Variants in ZCCHC4 observed in about 807,000 individuals in gnomAD.
The protein encoded by ZCCHC4 is rRNA N(6)-adenosine-methyltransferase ZCCHC4.
In ZCCHC4, 54 loss-of-function variants were observed where a neutral mutation model predicts 67.7. The ratio of observed to expected loss-of-function variants is 0.80; its 90% CI spans 0.64 to 1.00. The LOEUF is 1.00. ZCCHC4 is among the 50% of genes least tolerant of loss of function. The probability of loss-of-function intolerance (pLI) is 0.00; values close to 1 mark genes in which losing one functional copy is unlikely to be tolerated. For missense variants in ZCCHC4, 609 were observed against 617.0 expected (o/e 0.99, Z 0.14); for synonymous variants, 198 against 213.5 (o/e 0.93, Z 0.63).
intron 8 of ZCCHC4, among the ~76,000 whole-genome samples, chr4:25,358,241 C>T (rs1274209059): frequency 6.6e-6 from 1 of 152,206 alleles, no homozygotes; most frequent in Non-Finnish European, 1.5e-5. Context: ...GTGTCTTCAT[C>T]TCCATTTTTT....
chr4:25,335,082 A>C (rs1719384130), intron 5 of ZCCHC4, among the ~76,000 whole-genome samples: 1 of 151,984 alleles, frequency 6.6e-6, no homozygotes, highest in Non-Finnish European at 1.5e-5. Flanking sequence ...TGGCCTCCCA[A>C]ATTGTTGGGA....
intron 3 of ZCCHC4, among the ~76,000 whole-genome samples, chr4:25,317,727 G>GAA (rs1718341489): frequency 8.4e-6 from 1 of 119,060 alleles, no homozygotes; most frequent in Non-Finnish European, 1.7e-5. Context: ...AAAAAAAAAA[G>GAA]AAAGAAAAGA....
chr4:25,321,367 C>A (rs1036565217), intron 3 of ZCCHC4, among the ~76,000 whole-genome samples: 1 of 151,794 alleles, frequency 6.6e-6, no homozygotes, highest in Non-Finnish European at 1.5e-5. Flanking sequence ...GTCTTCCTGG[C>A]TAATTTTGTT....
chr4:25,328,419 T>C (rs1244831127), intron 3 of ZCCHC4, among the ~76,000 whole-genome samples: 1 of 152,112 alleles, frequency 6.6e-6, no homozygotes, highest in Non-Finnish European at 1.5e-5. Context: ...TTTGTATTTT[T>C]CGTAGAGATG....
At chr4:25,317,175 A>T (rs1399935076) in intron 3 of ZCCHC4, among the ~76,000 whole-genome samples, 1 of 152,132 alleles carries the variant, frequency 6.6e-6, no homozygotes, top group African/African-American at 2.4e-5. Flanking sequence ...CCTTCATTTT[A>T]CCTGGGCTGC....
At chr4:25,331,228 T>TA (rs1719165840) in intron 3 of ZCCHC4, among the ~76,000 whole-genome samples, 1 of 152,226 alleles carries the variant, frequency 6.6e-6, no homozygotes, top group South Asian at 2.1e-4. Context: ...ATATATTTTG[T>TA]CTTTTTAAAA....
chr4:25,317,160 C>A (rs2055886), intron 3 of ZCCHC4, among the ~76,000 whole-genome samples: 66,749 of 151,926 alleles, frequency 0.44, 16,504 homozygotes, highest in Non-Finnish European at 0.56. Flanking sequence ...ACTTTTATGG[C>A]AGCTCCTTCA....
At position 25,369,462 on chromosome 4, in the gene ZCCHC4, C is replaced by T; in HGVS notation, c.*298C>T. 3.3e-6 allele frequency: 1 copy of T among 298,664 alleles called. No homozygotes were observed. Among genetic ancestry groups the T allele is most frequent in the Non-Finnish European group, 6.2e-6 (1 of 161,248 alleles). The allele number at this position is 298,664 out of a possible 1,614,324, so 18.5% of individuals were successfully genotyped here. On this transcript the variant is annotated 3_prime_UTR_variant, in exon 13 of 13. Transcript: ENST00000302874. Reference sequence around the variant, plus strand: ...GTTTTCATTTTTTTTGAGATGGAGTCTTGCTCTGTCTCCCAGGCTAGAGTG... The same window carrying T: ...GTTTTCATTTTTTTTGAGATGGAGTTTTGCTCTGTCTCCCAGGCTAGAGTG...
intron 8 of ZCCHC4, among the ~76,000 whole-genome samples, chr4:25,354,573 T>C (rs1055904349): frequency 2.0e-5 from 3 of 152,232 alleles, no homozygotes; most frequent in Admixed American, 6.5e-5. Flanking sequence ...TCTTGGACAA[T>C]TTTTCTATTT....
intron 2 of ZCCHC4, 125 bp from the exon 3 acceptor site, chr4:25,315,192 CT>C: frequency 1.3e-6 from 1 of 781,884 alleles, no homozygotes. Flanking sequence ...GTTTTGTTTT[CT>C]CCTGAAATGA....
intron 6 of ZCCHC4, among the ~76,000 whole-genome samples, chr4:25,349,131 C>T (rs1206364029): frequency 6.6e-6 from 1 of 152,134 alleles, no homozygotes; most frequent in African/African-American, 2.4e-5. Flanking sequence ...TGCTTAGCAC[C>T]ATCCTGGCTT....
chr4:25,342,868 C>T (rs1425245468), intron 5 of ZCCHC4, among the ~76,000 whole-genome samples: 1 of 152,138 alleles, frequency 6.6e-6, no homozygotes, highest in Non-Finnish European at 1.5e-5. Context: ...TTTTCTTTCT[C>T]TATTCCTCTG....
intron 3 of ZCCHC4, among the ~76,000 whole-genome samples, chr4:25,323,066 T>C (rs965854809): frequency 3.9e-5 from 6 of 152,230 alleles, no homozygotes; most frequent in Non-Finnish European, 7.3e-5. Context: ...GATATTAAGA[T>C]TAATCACGTG....
At chr4:25,366,944 C>T (rs918140732) in intron 12 of ZCCHC4, among the ~76,000 whole-genome samples, 11 of 152,020 alleles carry the variant, frequency 7.2e-5, no homozygotes, top group African/African-American at 2.7e-4. Flanking sequence ...GATGTGGATG[C>T]CTGATAATTC....
In ZCCHC4 at chr4:25,312,835, A is replaced by G. The variant is rs1202126261; in HGVS notation, c.26A>G (p.Glu9Gly). The G allele has an allele frequency of 6.2e-7, 1 of 1,613,064 alleles. No homozygotes were observed. The highest frequency in any genetic ancestry group is 8.5e-7 in the Non-Finnish European group (1 of 1,179,992). Residue 9 changes from glutamate to glycine, a missense_variant, in exon 1 of 13, where the codon GAA (glutamate) becomes GGA (glycine). Transcript: ENST00000302874. Reference sequence around the variant, plus strand: ...ATGGCGGCCTCCAGGAATGGGTTTGAAGCCGTGGAGGCAGAGGGCAGCGCA... The same window carrying G: ...ATGGCGGCCTCCAGGAATGGGTTTGGAGCCGTGGAGGCAGAGGGCAGCGCA... MAASRNGFEAVEAEGSAGC... is the reference protein window; with the variant it reads MAASRNGFGAVEAEGSAGC...
At chr4:25,366,713 T>G (rs1720967049) in intron 12 of ZCCHC4, among the ~76,000 whole-genome samples, 1 of 152,218 alleles carries the variant, frequency 6.6e-6, no homozygotes, top group African/African-American at 2.4e-5. Flanking sequence ...CCATTGTCAG[T>G]GTGATTCTGT....
chr4:25,363,757 T>A (rs529152870), intron 10 of ZCCHC4, among the ~76,000 whole-genome samples: 2 of 152,140 alleles, frequency 1.3e-5, no homozygotes, highest in Non-Finnish European at 2.9e-5. Context: ...TAGTTTAAAG[T>A]TGAGGAAAAT....
chr4:25,341,665 A>C (rs560669215), intron 5 of ZCCHC4, among the ~76,000 whole-genome samples: 11 of 152,220 alleles, frequency 7.2e-5, no homozygotes, highest in African/African-American at 2.7e-4. Context: ...AAATGGACTG[A>C]CACAGAAGGT....
chr4:25,349,118 C>T (rs1423697294), intron 6 of ZCCHC4, among the ~76,000 whole-genome samples: 1 of 152,150 alleles, frequency 6.6e-6, no homozygotes, highest in Non-Finnish European at 1.5e-5. Flanking sequence ...TTTGTGTGCC[C>T]AGTGCTTAGC....
Sources: allele counts gnomAD v4.1 joint callset (sites outside exome capture counted in the v4.1 genomes callset), GRCh38; gene constraint gnomAD v4.1.1; transcripts MANE v1.5; gene names NCBI Gene and HGNC (gene_info 2026-07-23, HGNC 2026-07-21).